The following SPTB variants were observed in gnomAD, a reference collection of about 807,000 sequenced individuals.
SPTB encodes the protein spectrin beta, erythrocytic.
A neutral mutation model predicts 256.2 loss-of-function variants in SPTB; 45 were observed. That is an observed-to-expected ratio of 0.18 (90% CI 0.14 to 0.23). The LOEUF (loss-of-function observed/expected upper bound fraction) is 0.23, where lower values mean the gene tolerates loss of function less well. SPTB is among the 10% of genes least tolerant of loss of function. The probability of loss-of-function intolerance (pLI) is 1.00; values close to 1 mark genes in which losing one functional copy is unlikely to be tolerated. For synonymous variants in SPTB, 1,231 were observed against 1,243.1 expected (o/e 0.99, Z 0.21); for missense variants, 2,715 against 3,040.4 (o/e 0.89, Z 2.52).
chr14:64,863,314 A>T (rs1170407672), intron 1 of SPTB, among the ~76,000 whole-genome samples: 1 of 152,226 alleles, frequency 6.6e-6, no homozygotes, highest in East Asian at 1.9e-4. Context: ...CGAAAAAAAA[A>T]ATTGCAAAAG....
intron 1 of SPTB, among the ~76,000 whole-genome samples, chr14:64,860,049 C>T (rs1034862928): frequency 6.9e-4 from 105 of 152,236 alleles, no homozygotes; most frequent in African/African-American, 2.4e-3. Context: ...CCCCTAGAAT[C>T]TAAGAGAATT....
chr14:64,768,894 A>C, intron 29 of SPTB, 140 bp downstream of exon 29: 14 of 779,176 alleles, frequency 1.8e-5, no homozygotes, highest in East Asian at 4.9e-5. Flanking sequence ...CCCTGGCCCC[A>C]GAGCTTTGCT....
chr14:64,773,084 C>T, intron 25 of SPTB, 130 bp from the exon 26 acceptor site: 1 of 1,550,068 alleles, frequency 6.5e-7, no homozygotes, highest in Non-Finnish European at 8.8e-7. Context: ...TTCCCCAGGG[C>T]AGGCCTGCAT....
rs747806103 is a variant in SPTB at position 64,796,720 on chromosome 14, A to G, written c.1183-5T>C. ...TTCCTCCAGGCTTTCCCAGGCCTGC[A>G]CAAAGGATGGAATGAGAATTCTTGG... On this transcript the variant is annotated splice_polypyrimidine_tract_variant and splice_region_variant and intron_variant, in intron 10 of 35. Transcript: ENST00000644917. The surrounding 1 kb of genome is among the most constrained non-coding windows in gnomAD (Gnocchi z 4.1). 3 of 1,614,164 alleles carry G rather than the reference A, an allele frequency of 1.9e-6. No homozygotes were observed. The highest frequency in any genetic ancestry group is 2.5e-6 in the Non-Finnish European group (3 of 1,180,050).
chr14:64,829,987 T>C (rs1217331565), intron 1 of SPTB, among the ~76,000 whole-genome samples: 1 of 152,202 alleles, frequency 6.6e-6, no homozygotes, highest in Non-Finnish European at 1.5e-5. Flanking sequence ...TCTCTGCATG[T>C]CTGGCTCCTT....
Position 64,785,582 on chromosome 14 carries a change from C to T in SPTB, c.3810G>A (p.Leu1270=). 1 of 1,614,102 alleles carries T rather than the reference C, an allele frequency of 6.2e-7. No homozygotes were observed. The highest frequency in any genetic ancestry group is 1.1e-5 in the South Asian group (1 of 91,070). The change falls in exon 18 of 36, where the codon CTG becomes CTA. Residue 1270 remains leucine, a synonymous_variant. Coordinates refer to ENST00000644917, the MANE Select transcript of SPTB (RefSeq NM_001355436.2). The surrounding 1 kb of genome is among the most constrained non-coding windows in gnomAD (Gnocchi z 4.4). ...NEKAQEASVL[L]RDNLELQNFL... ...AGTTCTGTAGCTCCAGGTTGTCTCTCAGTAGGACAGAGGCCTCCTGGGCCT... is the reference window on the plus strand; with the variant it reads ...AGTTCTGTAGCTCCAGGTTGTCTCTTAGTAGGACAGAGGCCTCCTGGGCCT...
At chr14:64,809,809 G>A (rs1407246721) in intron 2 of SPTB, among the ~76,000 whole-genome samples, 3 of 152,162 alleles carry the variant, frequency 2.0e-5, no homozygotes, top group Non-Finnish European at 4.4e-5. Context: ...AAGGAAGTAT[G>A]CAAAATGCAT....
chr14:64,867,221 A>G (rs1217618727), intron 1 of SPTB, among the ~76,000 whole-genome samples: 1 of 152,102 alleles, frequency 6.6e-6, no homozygotes, highest in African/African-American at 2.4e-5. Flanking sequence ...CCTCTTCATA[A>G]TCTTCTATAG....
At chr14:64,834,406 A>G (rs1226200890) in intron 1 of SPTB, among the ~76,000 whole-genome samples, 1 of 150,220 alleles carries the variant, frequency 6.7e-6, no homozygotes, top group Non-Finnish European at 1.5e-5. Context: ...ACAGGGCCCA[A>G]ACTCCTACCA....
At chr14:64,788,082 A>ATGTT (rs2082605218) in intron 15 of SPTB, among the ~76,000 whole-genome samples, 1 of 152,232 alleles carries the variant, frequency 6.6e-6, no homozygotes, top group African/African-American at 2.4e-5. Flanking sequence ...CAAGCTCACA[A>ATGTT]ATAACATAGC....
intron 27 of SPTB, 107 bp from the exon 28 acceptor site, chr14:64,769,835 G>A: frequency 6.1e-6 from 9 of 1,487,216 alleles, no homozygotes; most frequent in South Asian, 4.6e-5. Context: ...GAGTGTGACC[G>A]TGCTCCCTCC....
Position 64,764,409 on chromosome 14 carries a change from G to C in SPTB, c.6345+2317C>G, listed in dbSNP as rs551972234. 6.6e-6 allele frequency among the ~76,000 whole-genome samples: 1 copy of C among 152,344 alleles called. No individual in the cohort carries two copies. The highest frequency in any genetic ancestry group is 6.5e-5 in the Admixed American group (1 of 15,308). ...AGGAAATCTGTGCGTGAGGCCTTGG[G>C]TCTGTGTTCGTTTGAGTCACCATCT... On this transcript the variant is annotated intron_variant, in intron 32 of 35. Transcript: ENST00000644917. This position sits in a 1 kb window ranked among gnomAD's most constrained non-coding sequence, Gnocchi z 4.2.
chr14:64,786,893 C>A lies in SPTB; in HGVS notation c.3072G>T (p.Ser1024=), dbSNP rs112653810. ...CAATATCCTCCTTCTGCTCAGGGTG[C>A]GAGTCCATCAGCTGCTGGGACTCAC... The part of the protein sequence containing the change: ...LERESQQLMD[S]HPEQKEDIGQ... The change falls in exon 16 of 36, where the codon TCG becomes TCT. Residue 1024 remains serine (S), a synonymous_variant. Coordinates refer to ENST00000644917, the MANE Select transcript of SPTB (RefSeq NM_001355436.2). The surrounding 1 kb of genome is among the most constrained non-coding windows in gnomAD (Gnocchi z 5.6). The A allele has an allele frequency of 1.9e-6, 3 of 1,612,628 alleles. No individual in the cohort carries two copies. The highest frequency in any genetic ancestry group is 1.7e-6 in the Non-Finnish European group (2 of 1,180,026).
At chr14:64,856,007 G>C (rs2083867687) in intron 1 of SPTB, among the ~76,000 whole-genome samples, 1 of 152,250 alleles carries the variant, frequency 6.6e-6, no homozygotes, top group African/African-American at 2.4e-5. Context: ...CGAGGAGTGA[G>C]GCCTGGCAGA....
chr14:64,822,362 T>TCTCC (rs1566786931), intron 2 of SPTB, among the ~76,000 whole-genome samples: 12 of 2,818 alleles, frequency 4.3e-3, no homozygotes, highest in African/African-American at 8.4e-3. Context: ...TCTCTCTCTC[T>TCTCC]CTCTCTCTCT....
Position 64,785,719 on chromosome 14 carries a change from G to A in SPTB, c.3764+30C>T, listed in dbSNP as rs1205830499. On this transcript the variant is annotated intron_variant, in intron 17 of 35. Coordinates refer to ENST00000644917, the MANE Select transcript of SPTB (RefSeq NM_001355436.2). This position sits in a 1 kb window ranked among gnomAD's most constrained non-coding sequence, Gnocchi z 4.4. ...CCTCACTACCCCCGTGTGGCTCTGG[G>A]GGCCTCGTGGCCCTGGGGCCCGGGA... is the stretch of plus-strand genomic sequence containing the variant. 9 of 1,614,012 alleles carry A rather than the reference G, an allele frequency of 5.6e-6. No individual in the cohort carries two copies. The highest frequency in any genetic ancestry group is 1.1e-5 in the South Asian group (1 of 91,072).
chr14:64,776,180 T>C (rs1014066185), intron 22 of SPTB, among the ~76,000 whole-genome samples: 7 of 152,184 alleles, frequency 4.6e-5, no homozygotes, highest in African/African-American at 1.7e-4. Context: ...CTATATAATT[T>C]TCCTGTGGCC....
At position 64,805,109 on chromosome 14, in the gene SPTB, C is replaced by T. The variant is rs748306354; in HGVS notation, c.149-19G>A. The T allele has an allele frequency of 5.6e-6, 9 of 1,614,102 alleles. No homozygotes were observed. Among genetic ancestry groups the T allele is most frequent in the Middle Eastern group, 1.6e-4 (1 of 6,062 alleles). On this transcript the variant is annotated intron_variant, in intron 2 of 35. Coordinates refer to ENST00000644917, the MANE Select transcript of SPTB (RefSeq NM_001355436.2). ...CGCTCATCTAGGTGGAGAGAAGAAC[C>T]TTGGTGAGGTGCCTGAGGTTGGCAG...
intron 2 of SPTB, among the ~76,000 whole-genome samples, chr14:64,818,771 G>T (rs1209895065): frequency 6.6e-6 from 1 of 152,182 alleles, no homozygotes. Context: ...TGACAATTAG[G>T]GGGACTCTAG....
Sources: allele counts gnomAD v4.1 joint callset (sites outside exome capture counted in the v4.1 genomes callset), GRCh38; gene constraint gnomAD v4.1.1; non-coding constraint Gnocchi (gnomAD v3.1); transcripts MANE v1.5; gene names NCBI Gene and HGNC (gene_info 2026-07-23, HGNC 2026-07-21).